The following TANC1 variants were observed in gnomAD, a reference collection of about 807,000 sequenced individuals.
TANC1 encodes the protein protein TANC1.
Under a neutral mutation model 149.7 loss-of-function variants are expected in TANC1, and 77 were observed. The ratio of observed to expected loss-of-function variants is 0.51; its 90% CI spans 0.43 to 0.62. The LOEUF (loss-of-function observed/expected upper bound fraction) is 0.62, where lower values mean the gene tolerates loss of function less well. Among genes scored for constraint, TANC1 ranks in the 20% least tolerant of loss-of-function variants. The probability of loss-of-function intolerance (pLI) is 0.00; values close to 1 mark genes in which losing one functional copy is unlikely to be tolerated. For missense variants in TANC1, 1,985 were observed against 2,321.8 expected (o/e 0.85, Z 2.98); for synonymous variants, 854 against 925.0 (o/e 0.92, Z 1.39).
chr2:159,137,642 T>G (rs982301289), intron 5 of TANC1, among the ~76,000 whole-genome samples: 42 of 152,310 alleles, frequency 2.8e-4, no homozygotes, highest in African/African-American at 8.7e-4. Context: ...GGGCAGGCAG[T>G]CTGTTCTCTC....
At chr2:159,059,069 A>T (rs2042047587) in intron 2 of TANC1, among the ~76,000 whole-genome samples, 1 of 149,370 alleles carries the variant, frequency 6.7e-6, no homozygotes, top group South Asian at 2.2e-4. Flanking sequence ...GTTTTTGCTT[A>T]GGACAAAACT....
chr2:159,226,019 TA>T, intron 24 of TANC1: 1 of 501,786 alleles, frequency 2.0e-6, no homozygotes, highest in South Asian at 2.2e-5. Flanking sequence ...CCATCTTTAC[TA>T]AAAATACAAA....
intron 16 of TANC1, among the ~76,000 whole-genome samples, chr2:159,189,281 G>T (rs1462326976): frequency 6.6e-6 from 1 of 152,230 alleles, no homozygotes; most frequent in Non-Finnish European, 1.5e-5. Flanking sequence ...TGCCGACCTT[G>T]AGGATGTGAT....
intron 4 of TANC1, among the ~76,000 whole-genome samples, chr2:159,102,960 C>T (rs549434797): frequency 0.014 from 1,261 of 91,182 alleles, 302 homozygotes; most frequent in African/African-American, 0.036. Flanking sequence ...TCCCACGATC[C>T]GCCCACCTTG....
intron 3 of TANC1, among the ~76,000 whole-genome samples, chr2:159,095,394 C>T (rs1337995044): frequency 6.6e-6 from 1 of 152,164 alleles, no homozygotes; most frequent in Non-Finnish European, 1.5e-5. Context: ...CTGACATGCC[C>T]ATTGTGGGGC....
chr2:159,036,912 C>T (rs1401268795), intron 2 of TANC1, among the ~76,000 whole-genome samples: 1 of 152,156 alleles, frequency 6.6e-6, no homozygotes, highest in Non-Finnish European at 1.5e-5. Flanking sequence ...ATTTCTAGTT[C>T]TAGATCCTTG....
chr2:159,207,720 A>AT (rs2058716977), intron 19 of TANC1, among the ~76,000 whole-genome samples: 2 of 148,424 alleles, frequency 1.3e-5, no homozygotes, highest in Non-Finnish European at 3.0e-5. Flanking sequence ...AAAAAAAAAA[A>AT]AAAAAAACAA....
intron 19 of TANC1, among the ~76,000 whole-genome samples, chr2:159,216,240 C>T (rs2059337269): frequency 6.6e-6 from 1 of 152,126 alleles, no homozygotes; most frequent in Non-Finnish European, 1.5e-5. Flanking sequence ...CTTGTGTTGC[C>T]CCATTTTCAG....
At chr2:159,229,269 T>C (rs947206461) in intron 26 of TANC1, among the ~76,000 whole-genome samples, 2 of 152,128 alleles carry the variant, frequency 1.3e-5, no homozygotes, top group East Asian at 1.9e-4. Flanking sequence ...ATGGGCACAG[T>C]GTTACCATGG....
chr2:159,026,371 G>C (rs2039343009), intron 2 of TANC1, among the ~76,000 whole-genome samples: 1 of 152,172 alleles, frequency 6.6e-6, no homozygotes, highest in African/African-American at 2.4e-5. Flanking sequence ...AGCCTCAGCT[G>C]ATCCTTCAGG....
intron 7 of TANC1, among the ~76,000 whole-genome samples, chr2:159,157,533 C>A (rs973408613): frequency 6.6e-6 from 1 of 152,328 alleles, no homozygotes; most frequent in South Asian, 2.1e-4. Context: ...GGCCTACAGA[C>A]TTCTGCGCGC....
chr2:158,974,905 G>T (rs975961150), intron 1 of TANC1, among the ~76,000 whole-genome samples: 25 of 122,270 alleles, frequency 2.0e-4, no homozygotes, highest in African/African-American at 5.0e-4. Flanking sequence ...GCTAATTTTT[G>T]TATTTTTTTT....
chr2:159,145,032 G>C (rs1262549069), intron 5 of TANC1, among the ~76,000 whole-genome samples: 1 of 141,938 alleles, frequency 7.0e-6, no homozygotes, highest in Non-Finnish European at 1.6e-5. Context: ...GACGAGAATG[G>C]AGGAAAGACT....
chr2:159,091,147 C>T (rs2045495424), intron 3 of TANC1, among the ~76,000 whole-genome samples: 1 of 152,034 alleles, frequency 6.6e-6, no homozygotes, highest in African/African-American at 2.4e-5. Context: ...AAGCCTTTCT[C>T]AGTAGCCTTC....
At chr2:159,162,630 T>C (rs1167881001) in intron 7 of TANC1, among the ~76,000 whole-genome samples, 2 of 152,240 alleles carry the variant, frequency 1.3e-5, no homozygotes, top group Non-Finnish European at 2.9e-5. Flanking sequence ...AGATTAAATG[T>C]GAATTCTGCA....
At position 159,200,996 on chromosome 2, in the gene TANC1, G is replaced by A. The variant is rs112768039; in HGVS notation, c.3244+1943G>A. Among the ~76,000 whole-genome samples the A allele has an allele frequency of 5.8e-3, 886 of 152,126 alleles. 10 individuals carry two copies. Among genetic ancestry groups the A allele is most frequent in the African/African-American group, 0.02 (840 of 41,386 alleles). Reference sequence around the variant, plus strand: ...CATCAGGGTGAATTTCATCAGGCAAGAGTTTACTTGAGACGTTTGTTAAAA... The same window carrying A: ...CATCAGGGTGAATTTCATCAGGCAAAAGTTTACTTGAGACGTTTGTTAAAA... On this transcript the variant is annotated intron_variant, in intron 19 of 26. Coordinates refer to ENST00000263635, the MANE Select transcript of TANC1 (RefSeq NM_033394.3).
intron 7 of TANC1, among the ~76,000 whole-genome samples, chr2:159,153,259 G>T (rs988525538): frequency 6.6e-6 from 1 of 152,234 alleles, no homozygotes; most frequent in Non-Finnish European, 1.5e-5. Flanking sequence ...CAATGTCTGT[G>T]TTGTAACCTC....
chr2:159,228,116 C>T (rs530392119), intron 25 of TANC1, 151 bp downstream of exon 25: 2 of 781,248 alleles, frequency 2.6e-6, no homozygotes, highest in Non-Finnish European at 4.1e-6. Flanking sequence ...GAAACAGCTC[C>T]TATCCGTGAC....
At chr2:159,224,593 G>A (rs1191446271) in intron 23 of TANC1, 2 of 513,478 alleles carry the variant, frequency 3.9e-6, no homozygotes, top group Admixed American at 6.4e-5. Context: ...AGGACAGTCT[G>A]GAGTGGTATC....
Sources: allele counts gnomAD v4.1 joint callset (sites outside exome capture counted in the v4.1 genomes callset), GRCh38; gene constraint gnomAD v4.1.1; transcripts MANE v1.5; gene names NCBI Gene and HGNC (gene_info 2026-07-23, HGNC 2026-07-21).